Variants in HSD17B4 observed in about 807,000 individuals in gnomAD.
HSD17B4 encodes the protein peroxisomal multifunctional enzyme type 2.
Under a neutral mutation model 101.0 loss-of-function variants are expected in HSD17B4, and 70 were observed. The observed-to-expected ratio is 0.69, with a 90% CI of 0.57 to 0.85. The LOEUF is 0.85. HSD17B4 is among the 40% of genes least tolerant of loss of function. The pLI, the probability that HSD17B4 is intolerant of heterozygous loss-of-function variation, is 0.00. For missense variants in HSD17B4, 984 were observed against 892.4 expected, an observed-to-expected ratio of 1.10 and a Z score of -1.31; for synonymous variants, 347 against 297.1, an observed-to-expected ratio of 1.17 and a Z score of -1.73.
chr5:119,504,632 G>GT (rs1751485458), intron 14 of HSD17B4, among the ~76,000 whole-genome samples: 1 of 151,992 alleles, frequency 6.6e-6, no homozygotes, highest in Non-Finnish European at 1.5e-5. Context: ...GGGATTATTT[G>GT]TTTTTTGCTT....
intron 12 of HSD17B4, among the ~76,000 whole-genome samples, chr5:119,497,602 GC>G (rs1458720213): frequency 6.6e-6 from 1 of 152,082 alleles, no homozygotes; most frequent in African/African-American, 2.4e-5. Context: ...TTTACCTAAT[GC>G]CCATAAGGCT....
At chr5:119,500,445 A>G (rs1460856940) in intron 13 of HSD17B4, among the ~76,000 whole-genome samples, 2 of 152,098 alleles carry the variant, frequency 1.3e-5, no homozygotes, top group Non-Finnish European at 2.9e-5. Flanking sequence ...ATATGGCATT[A>G]TGTATAATTT....
chr5:119,518,268 A>G (rs1752819381), intron 17 of HSD17B4, among the ~76,000 whole-genome samples: 2 of 151,986 alleles, frequency 1.3e-5, no homozygotes, highest in Admixed American at 1.3e-4. Context: ...AAGAGCTGTA[A>G]CACTCACCGC....
At chr5:119,458,180 A>G (rs898903190) in intron 2 of HSD17B4, among the ~76,000 whole-genome samples, 2 of 152,212 alleles carry the variant, frequency 1.3e-5, no homozygotes, top group Non-Finnish European at 2.9e-5. Context: ...ACTTGAATGA[A>G]GAGCCAGATT....
At chr5:119,492,917 A>G (rs901362035) in intron 10 of HSD17B4, 4 of 152,166 alleles carry the variant, frequency 2.6e-5, no homozygotes, top group African/African-American at 9.6e-5. Context: ...TGAATCAGTT[A>G]AAAGGTTGCT....
At chr5:119,540,284 A>G (rs1339780247) in intron 23 of HSD17B4, among the ~76,000 whole-genome samples, 1 of 152,194 alleles carries the variant, frequency 6.6e-6, no homozygotes, top group African/African-American at 2.4e-5. Flanking sequence ...TCCCTCCCAA[A>G]TTAACAGTAT....
At chr5:119,463,843 G>A (rs900294292) in intron 2 of HSD17B4, among the ~76,000 whole-genome samples, 2 of 150,658 alleles carry the variant, frequency 1.3e-5, no homozygotes, top group African/African-American at 4.9e-5. Flanking sequence ...TATTTTTTTT[G>A]TAGTTTTAGT....
At chr5:119,473,273 C>CTTTTTTTTT (rs11408993) in intron 2 of HSD17B4, among the ~76,000 whole-genome samples, 116 of 36,736 alleles carry the variant, frequency 3.2e-3, no homozygotes, top group Non-Finnish European at 3.5e-3. Context: ...GTGGATGAAT[C>CTTTTTTTTT]TTTTTTTTTT....
chr5:119,452,640 A>T lies in HSD17B4; in HGVS notation c.58+7A>T. On this transcript the variant is annotated splice_region_variant and intron_variant, in intron 1 of 23. Transcript: ENST00000510025. ...GTCACCGGCGCGGGGGCAGGTGAGC[A>T]TGCGAAGGTTGGAGGCCGCGCCCCT... 2 of 1,613,796 alleles carry T rather than the reference A, an allele frequency of 1.2e-6. No homozygotes were observed. Among genetic ancestry groups the T allele is most frequent in the Non-Finnish European group, 1.7e-6 (2 of 1,179,944 alleles).
intron 8 of HSD17B4, among the ~76,000 whole-genome samples, chr5:119,481,699 T>C (rs111461273): frequency 1.2e-4 from 19 of 152,214 alleles, no homozygotes; most frequent in African/African-American, 4.6e-4. Flanking sequence ...AGTGAGCACA[T>C]GCTGTTGGAA....
chr5:119,478,970 A>G lies in HSD17B4; in HGVS notation c.571A>G (p.Thr191Ala), dbSNP rs1397379413. 3.1e-6 allele frequency: 5 copies of G among 1,613,602 alleles called. No individual in the cohort carries two copies. The highest frequency in any genetic ancestry group is 2.2e-5 in the East Asian group (1 of 44,876). Residue 191 changes from threonine to alanine, a missense_variant, in exon 8 of 24, where the codon ACC (threonine) becomes GCC (alanine). Thr to Ala is a moderately conservative substitution (Grantham distance 58, BLOSUM62 0). Coordinates refer to ENST00000510025, the MANE Select transcript of HSD17B4 (RefSeq NM_000414.4). ...CAGGAAAAGCAACATTCATTGTAAC[A>G]CCATTGCTCCTAATGCGGGATCACG... The part of the protein sequence containing the change: ...EGRKSNIHCN[T>A]IAPNAGSRMT...
At chr5:119,456,596 TA>T (rs1754697395) in intron 2 of HSD17B4, 4 of 531,602 alleles carry the variant, frequency 7.5e-6, no homozygotes, top group South Asian at 4.1e-5. Context: ...AACGAAGGGC[TA>T]GGGGGTAGGC....
At chr5:119,484,932 A>C (rs1749480384) in intron 8 of HSD17B4, among the ~76,000 whole-genome samples, 2 of 152,298 alleles carry the variant, frequency 1.3e-5, no homozygotes, top group Admixed American at 6.5e-5. Context: ...ATTCTTGTTG[A>C]AGAATCATAT....
At chr5:119,506,958 AC>A in intron 15 of HSD17B4, 69 bp downstream of exon 15, 1 of 781,046 alleles carries the variant, frequency 1.3e-6, no homozygotes, top group Middle Eastern at 3.1e-4. Flanking sequence ...ATAATACTTC[AC>A]CATAGAAGTT....
chr5:119,469,395 C>T (rs1219566259), intron 2 of HSD17B4, among the ~76,000 whole-genome samples: 1 of 151,952 alleles, frequency 6.6e-6, no homozygotes, highest in Non-Finnish European at 1.5e-5. Context: ...CACTCTGTTG[C>T]CCAGGCTGGA....
At chr5:119,511,603 G>C (rs543208506) in intron 16 of HSD17B4, among the ~76,000 whole-genome samples, 1 of 152,220 alleles carries the variant, frequency 6.6e-6, no homozygotes, top group Admixed American at 6.5e-5. Flanking sequence ...AGAGACCAAC[G>C]AGAGACAGTC....
intron 12 of HSD17B4, among the ~76,000 whole-genome samples, chr5:119,498,822 G>T (rs1186144969): frequency 6.6e-6 from 1 of 152,218 alleles, no homozygotes; most frequent in East Asian, 1.9e-4. Flanking sequence ...AGAGGTTGCA[G>T]TGAGCCAAGA....
intron 21 of HSD17B4, 75 bp from the exon 22 acceptor site, chr5:119,531,191 A>C: frequency 1.2e-5 from 17 of 1,466,268 alleles, no homozygotes; most frequent in Non-Finnish European, 1.6e-5. Context: ...TTTTTTTTGC[A>C]CATGTTTTAT....
At chr5:119,512,860 T>A (rs1752298544) in intron 16 of HSD17B4, among the ~76,000 whole-genome samples, 1 of 152,212 alleles carries the variant, frequency 6.6e-6, no homozygotes, top group East Asian at 1.9e-4. Context: ...CTGATGGCTA[T>A]AGGGTTTTCT....
Sources: gnomAD v4.1 joint callset for allele counts (sites outside exome capture counted in the v4.1 genomes callset) on GRCh38, gnomAD v4.1.1 for gene constraint, MANE v1.5 for transcripts, NCBI Gene and HGNC (gene_info 2026-07-23, HGNC 2026-07-21) for gene names.